The following PTCHD4 variants were observed in gnomAD, a reference collection of about 807,000 sequenced individuals.
PTCHD4 encodes the protein patched domain containing 4, also known as patched domain-containing protein 4.
A neutral mutation model predicts 58.1 loss-of-function variants in PTCHD4; 33 were observed. That is an observed-to-expected ratio of 0.57 (90% CI 0.43 to 0.76). PTCHD4 has a LOEUF of 0.76. Among genes scored for constraint, PTCHD4 ranks in the 30% least tolerant of loss-of-function variants. The probability of loss-of-function intolerance (pLI) is 0.00; values close to 1 mark genes in which losing one functional copy is unlikely to be tolerated. For missense variants in PTCHD4, 1,058 were observed against 1,027.1 expected (o/e 1.03, Z -0.41); for synonymous variants, 478 against 409.6 (o/e 1.17, Z -2.02).
Position 47,878,758 on chromosome 6 carries a change from C to G in PTCHD4, c.2077G>C (p.Glu693Gln), listed in dbSNP as rs752287858. The change falls in exon 5 of 5, where the codon GAG becomes CAG. Residue 693 changes from glutamate (E) to glutamine (Q), a missense_variant. By Grantham distance (29) the Glu-to-Gln change is conservative. Transcript: ENST00000339488. ...GTCATTAAGCCCAGAACGCCCAGCT[C>G]AATTGAGGTGACGCTAAGAATTAGC... Reference protein sequence around the residue: ...FWLILSVTSIELGVLGLMTLW... With the variant: ...FWLILSVTSIQLGVLGLMTLW... 1.2e-6 allele frequency: 2 copies of G among 1,613,452 alleles called. No homozygotes were observed. Among genetic ancestry groups the G allele is most frequent in the East Asian group, 4.5e-5 (2 of 44,830 alleles).
At chr6:47,937,057 A>G (rs539927915) in intron 4 of PTCHD4, among the ~76,000 whole-genome samples, 1 of 152,338 alleles carries the variant, frequency 6.6e-6, no homozygotes, top group Non-Finnish European at 1.5e-5. Flanking sequence ...CAACAGAAGG[A>G]ATCGTAAGAA....
intron 4 of PTCHD4, among the ~76,000 whole-genome samples, chr6:47,967,749 C>G (rs1025437008): frequency 6.6e-6 from 1 of 152,212 alleles, no homozygotes; most frequent in African/African-American, 2.4e-5. Context: ...TCTCCCTAAA[C>G]TTCATGAATC....
intron 3 of PTCHD4, among the ~76,000 whole-genome samples, chr6:48,015,337 A>G (rs1762831703): frequency 6.6e-6 from 1 of 151,962 alleles, no homozygotes. Context: ...CCCTACACCT[A>G]AAACCCTCCC....
intron 4 of PTCHD4, among the ~76,000 whole-genome samples, chr6:47,926,297 G>C (rs1765612460): frequency 6.6e-6 from 1 of 152,068 alleles, no homozygotes. Flanking sequence ...TATTCTAATG[G>C]GATATGACTG....
intron 3 of PTCHD4, among the ~76,000 whole-genome samples, chr6:48,027,068 TG>T (rs924227692): frequency 7.9e-5 from 12 of 152,138 alleles, no homozygotes; most frequent in African/African-American, 2.7e-4. Flanking sequence ...ATAAGATTTT[TG>T]TTTACATCTG....
intron 4 of PTCHD4, among the ~76,000 whole-genome samples, chr6:47,952,496 G>A (rs913676256): frequency 2.6e-4 from 39 of 151,968 alleles, no homozygotes; most frequent in African/African-American, 8.9e-4. Flanking sequence ...AGTATATACC[G>A]CCCCCCATGC....
At chr6:47,925,181 ATGTG>A (rs144217387) in intron 4 of PTCHD4, among the ~76,000 whole-genome samples, 54 of 146,902 alleles carry the variant, frequency 3.7e-4, no homozygotes, top group Middle Eastern at 3.5e-3. Flanking sequence ...TATTATATAT[ATGTG>A]TGTGTGTGTG....
intron 4 of PTCHD4, among the ~76,000 whole-genome samples, chr6:47,915,847 C>G (rs142359267): frequency 1.3e-5 from 2 of 152,042 alleles, no homozygotes; most frequent in African/African-American, 4.8e-5. Flanking sequence ...CTGCAAGATA[C>G]CATTGACTGT....
intron 4 of PTCHD4, among the ~76,000 whole-genome samples, chr6:47,988,203 G>T (rs902904881): frequency 6.6e-6 from 1 of 152,138 alleles, no homozygotes; most frequent in Non-Finnish European, 1.5e-5. Flanking sequence ...CATTGGACAG[G>T]GAACCTAAAG....
chr6:48,060,856 C>A (rs1007905919), intron 3 of PTCHD4, among the ~76,000 whole-genome samples: 5 of 152,172 alleles, frequency 3.3e-5, no homozygotes, highest in African/African-American at 1.2e-4. Flanking sequence ...CAGAAGAGAA[C>A]CATCGACTGT....
At position 48,068,277 on chromosome 6, in the gene PTCHD4, G is replaced by C. The variant is rs765345054; in HGVS notation, c.370C>G (p.Gln124Glu). Residue 124 changes from glutamine to glutamate, a missense_variant, in exon 3 of 5, where the codon CAG becomes GAG. Physicochemically the swap from Gln to Glu is conservative, Grantham distance 29. Coordinates refer to ENST00000339488, the MANE Select transcript of PTCHD4 (RefSeq NM_001384253.1). This position sits in a 1 kb window ranked among gnomAD's most constrained non-coding sequence, Gnocchi z 4.2. The part of the protein sequence containing the change: ...LSPTGDNILL[Q>E]AEGILQTHRA... ...TGGGTCTGCAGGATCCCCTCAGCCT[G>C]GAGCAAAATATTGTCCCCGGTTGGG... is the stretch of plus-strand genomic sequence containing the variant. 1.9e-6 allele frequency: 3 copies of C among 1,607,356 alleles called. No individual in the cohort carries two copies.
In PTCHD4 at chr6:47,864,039, A is replaced by G. The variant is rs1763493762; in HGVS notation, c.*14264T>C. On this transcript the variant is annotated 3_prime_UTR_variant, in exon 5 of 5. Transcript: ENST00000339488. ...TTCTTCCCTGGACAGATTTAATCCAACTATTCTCAGAATGTCTGTTGCTGT... is the reference window on the plus strand; with the variant it reads ...TTCTTCCCTGGACAGATTTAATCCAGCTATTCTCAGAATGTCTGTTGCTGT... Among the ~76,000 whole-genome samples the G allele has an allele frequency of 6.6e-6, 1 of 151,938 alleles. No individual in the cohort carries two copies.
intron 1 of PTCHD4, among the ~76,000 whole-genome samples, chr6:48,090,181 C>A (rs1765337380): frequency 6.6e-6 from 1 of 151,916 alleles, no homozygotes; most frequent in South Asian, 2.1e-4. Context: ...GTTAGAAATT[C>A]CAAAATTAAT....
At position 47,877,268 on chromosome 6, in the gene PTCHD4, G is replaced by A. The variant is rs770898545; in HGVS notation, c.*1035C>T. On this transcript the variant is annotated 3_prime_UTR_variant, in exon 5 of 5. Transcript: ENST00000339488. ...ATTTTCCCTATCTAAAATAAGAACG[G>A]TGTAACTATGGAGTACCCCAACTCA... Among the ~76,000 whole-genome samples the A allele has an allele frequency of 6.6e-6, 1 of 151,790 alleles. No individual in the cohort carries two copies. Among genetic ancestry groups the A allele is most frequent in the Non-Finnish European group, 1.5e-5 (1 of 67,930 alleles).
chr6:47,934,769 G>C lies in PTCHD4; in HGVS notation c.899-54833C>G, dbSNP rs532914641. On this transcript the variant is annotated intron_variant, in intron 4 of 4. Transcript: ENST00000339488. ...TCACTTCCTCACCCACTTTGATTCTGTTATCTTCATCTCTTGGTGAGAAAT... is the reference window on the plus strand; with the variant it reads ...TCACTTCCTCACCCACTTTGATTCTCTTATCTTCATCTCTTGGTGAGAAAT... 2.2e-4 allele frequency among the ~76,000 whole-genome samples: 34 copies of C among 152,102 alleles called. 1 individual carries two copies. In the South Asian group the frequency reaches 6.4e-3, roughly 29 times the overall value.
At chr6:48,029,067 C>T (rs1383346724) in intron 3 of PTCHD4, among the ~76,000 whole-genome samples, 1 of 151,928 alleles carries the variant, frequency 6.6e-6, no homozygotes, top group Non-Finnish European at 1.5e-5. Flanking sequence ...CTATGAAATT[C>T]CTACAAACTT....
chr6:47,864,684 A>G lies in PTCHD4; in HGVS notation c.*13619T>C, dbSNP rs1041609352. Among the ~76,000 whole-genome samples, 1 of 80,760 alleles carries G rather than the reference A, an allele frequency of 1.2e-5. No individual in the cohort carries two copies. Among genetic ancestry groups the G allele is most frequent in the Non-Finnish European group, 2.9e-5 (1 of 34,842 alleles). The allele number at this position is 80,760 out of a possible 152,430, so 53.0% of individuals were successfully genotyped here. Reference sequence around the variant, plus strand: ...CATCCTCACGTATTTTAGTTCTATGACTGTAGAAGAATACAAAGAGTTCAT... The same window carrying G: ...CATCCTCACGTATTTTAGTTCTATGGCTGTAGAAGAATACAAAGAGTTCAT... On this transcript the variant is annotated 3_prime_UTR_variant, in exon 5 of 5. Transcript: ENST00000339488.
intron 4 of PTCHD4, among the ~76,000 whole-genome samples, chr6:47,912,619 C>T (rs771485481): frequency 6.6e-6 from 1 of 151,976 alleles, no homozygotes; most frequent in Non-Finnish European, 1.5e-5. Flanking sequence ...CTTTTTCAGA[C>T]ATTTAATAAT....
intron 4 of PTCHD4, among the ~76,000 whole-genome samples, chr6:47,895,817 G>A (rs916732577): frequency 6.6e-6 from 1 of 151,836 alleles, no homozygotes; most frequent in African/African-American, 2.4e-5. Flanking sequence ...TTCGAATACT[G>A]GAGATAGTAG....
Sources: allele counts gnomAD v4.1 joint callset (sites outside exome capture counted in the v4.1 genomes callset), GRCh38; gene constraint gnomAD v4.1.1; non-coding constraint Gnocchi (gnomAD v3.1); transcripts MANE v1.5; gene names NCBI Gene and HGNC (gene_info 2026-07-23, HGNC 2026-07-21).